The following STOML2 variants were observed in gnomAD, a reference collection of about 807,000 sequenced individuals.
The protein encoded by STOML2 is stomatin like 2.
A neutral mutation model predicts 45.7 loss-of-function variants in STOML2; 22 were observed. The observed-to-expected ratio is 0.48, with a 90% confidence interval of 0.34 to 0.69. The LOEUF (loss-of-function observed/expected upper bound fraction) is 0.69, where lower values mean the gene tolerates loss of function less well. STOML2 is among the 30% of genes least tolerant of loss of function. The probability of loss-of-function intolerance (pLI) is 0.01; values close to 1 mark genes in which losing one functional copy is unlikely to be tolerated. For synonymous variants in STOML2, 181 were observed against 182.7 expected (o/e 0.99, Z 0.08); for missense variants, 359 against 466.9 (o/e 0.77, Z 2.13).
In STOML2 at chr9:35,101,149, A is replaced by T; in HGVS notation, c.710T>A (p.Ile237Lys). ...LASEAEKAEQ[I>K]NQAAGEASAV... ...CCTCTCCTGACCTGCTGCCTGATTT[A>T]TCTGTTCAGCCTTTTCTGCTTCGGA... Residue 237 changes from isoleucine to lysine, a missense_variant, in exon 7 of 10, where the codon ATA becomes AAA. Ile to Lys is a moderately radical substitution (Grantham distance 102). Coordinates refer to ENST00000356493, the MANE Select transcript of STOML2 (RefSeq NM_013442.3). This position sits in a 1 kb window ranked among gnomAD's most constrained non-coding sequence, Gnocchi z 4.3. The T allele has an allele frequency of 6.2e-7, 1 of 1,614,098 alleles. No individual in the cohort carries two copies. The highest frequency in any genetic ancestry group is 8.5e-7 in the Non-Finnish European group (1 of 1,180,022).
chr9:35,100,690 G>C lies in STOML2; in HGVS notation c.841C>G (p.Gln281Glu), dbSNP rs1829797535. 2 of 1,614,022 alleles carry C rather than the reference G, an allele frequency of 1.2e-6. No individual in the cohort carries two copies. The highest frequency in any genetic ancestry group is 1.7e-5 in the Admixed American group (1 of 59,990). The change falls in exon 9 of 10, where the codon CAG (glutamine) becomes GAG (glutamate). Residue 281 changes from glutamine to glutamate, a missense_variant. Coordinates refer to ENST00000356493, the MANE Select transcript of STOML2 (RefSeq NM_013442.3). ...DAAASLTVAE[Q>E]YVSAFSKLAK... The stretch of plus-strand genomic sequence containing the variant: ...AGTTTGGAGAACGCGCTGACATACT[G>C]CTCGGCCACAGTCAGTGAAGCTGCT...
In STOML2 at chr9:35,101,740, G is replaced by C. The variant is rs773204475; in HGVS notation, c.414C>G (p.Leu138=). The change falls in exon 5 of 10, where the codon CTC becomes CTG. Residue 138 remains leucine, a synonymous_variant. Coordinates refer to ENST00000356493, the MANE Select transcript of STOML2 (RefSeq NM_013442.3). This position sits in a 1 kb window ranked among gnomAD's most constrained non-coding sequence, Gnocchi z 4.3. ...QLAQTTMRSE[L]GKLSLDKVFR... Reference sequence around the variant, plus strand: ...AGACTTTGTCCAGAGAGAGTTTGCCGAGCTCTGATCTCATGGTTGTTTGAG... The same window carrying C: ...AGACTTTGTCCAGAGAGAGTTTGCCCAGCTCTGATCTCATGGTTGTTTGAG... 5.6e-6 allele frequency: 9 copies of C among 1,614,008 alleles called. No homozygotes were observed. The South Asian group carries it at 8.8e-5, about 16-fold the overall frequency.
Position 35,102,418 on chromosome 9 carries a change from T to C in STOML2, c.184-224A>G. 1.5e-6 allele frequency: 1 copy of C among 655,628 alleles called. No homozygotes were observed. The highest frequency in any genetic ancestry group is 2.0e-5 in the South Asian group (1 of 50,972). The allele number at this position is 655,628 out of a possible 1,614,324, so 40.6% of individuals were successfully genotyped here. A position where few individuals can be genotyped will look rare whatever the true frequency, so the allele number is the denominator to read the frequency against. On this transcript the variant is annotated intron_variant, in intron 2 of 9. Coordinates refer to ENST00000356493, the MANE Select transcript of STOML2 (RefSeq NM_013442.3). The surrounding 1 kb of genome is among the most constrained non-coding windows in gnomAD (Gnocchi z 4.8). ...TGAATGGAGGGGAGAGTCATGAGAA[T>C]CGGAGCCAGCAGAATAGCCATCTCT...
In STOML2 at chr9:35,101,949, CAG is replaced by C. The variant is rs763393232; in HGVS notation, c.295_296del (p.Leu99AlafsTer24). ...QSAVTLDNVTLQIDGVLYLRI... is the reference protein window; with the variant it reads ...QSAVTLDNVTXQIDGVLYLRI... ...GCAGGTAAAGGACTCCATCGATTTGCAGAGTTACATTGTCTGTAGAACCAGGA... is the reference window on the plus strand; with the variant it reads ...GCAGGTAAAGGACTCCATCGATTTGCAGTTACATTGTCTGTAGAACCAGGA... On this transcript the variant is annotated frameshift_variant, in exon 4 of 10. Coordinates refer to ENST00000356493, the MANE Select transcript of STOML2 (RefSeq NM_013442.3). LOFTEE classifies it high-confidence loss of function. The surrounding 1 kb of genome is among the most constrained non-coding windows in gnomAD (Gnocchi z 4.3). 5 of 1,614,008 alleles carry C rather than the reference CAG, an allele frequency of 3.1e-6. No individual in the cohort carries two copies. Among genetic ancestry groups the C allele is most frequent in the African/African-American group, 1.3e-5 (1 of 74,904 alleles).
chr9:35,100,898 T>C (rs1325867102), intron 8 of STOML2, 34 bp downstream of exon 8: 1 of 1,614,042 alleles, frequency 6.2e-7, no homozygotes, highest in Admixed American at 1.7e-5. Context: ...CCACTGTCAA[T>C]TCCTGTCCCC....
chr9:35,100,452 A>G, intron 9 of STOML2, 146 bp downstream of exon 9: 1 of 1,148,056 alleles, frequency 8.7e-7, no homozygotes, highest in Non-Finnish European at 1.2e-6. Context: ...TCATTCTTAG[A>G]TTCCATCTCT....
Position 35,102,356 on chromosome 9 carries a change from G to A in STOML2, c.184-162C>T. ...CAGAAGGCTGAGGTGTCACTGGTAA[G>A]AAAACCCAAGAGAACAGGAATGCAA... On this transcript the variant is annotated intron_variant, in intron 2 of 9. Transcript: ENST00000356493. This position sits in a 1 kb window ranked among gnomAD's most constrained non-coding sequence, Gnocchi z 4.8. The A allele has an allele frequency of 1.5e-6, 1 of 682,712 alleles. No homozygotes were observed. The highest frequency in any genetic ancestry group is 2.5e-6 in the Non-Finnish European group (1 of 407,318). The allele number at this position is 682,712 out of a possible 1,614,324, so 42.3% of individuals were successfully genotyped here. A position where few individuals can be genotyped will look rare whatever the true frequency, so the allele number is the denominator to read the frequency against.
In STOML2 at chr9:35,101,679, C is replaced by T. The variant is rs1409014511; in HGVS notation, c.444+31G>A. 3.4e-5 allele frequency: 55 copies of T among 1,614,100 alleles called. No individual in the cohort carries two copies. The highest frequency in any genetic ancestry group is 4.7e-5 in the Non-Finnish European group (55 of 1,179,992). On this transcript the variant is annotated intron_variant, in intron 5 of 9. Coordinates refer to ENST00000356493, the MANE Select transcript of STOML2 (RefSeq NM_013442.3). This position sits in a 1 kb window ranked among gnomAD's most constrained non-coding sequence, Gnocchi z 4.3. Reference sequence around the variant, plus strand: ...ATTAAGAGTGTCAGGTTTGTGTCTTCAAACCCTAACTCTGGCTCAGATCTG... The same window carrying T: ...ATTAAGAGTGTCAGGTTTGTGTCTTTAAACCCTAACTCTGGCTCAGATCTG...
chr9:35,101,770 C>T lies in STOML2; in HGVS notation c.384G>A (p.Gln128=), dbSNP rs372227437. 1.1e-5 allele frequency: 18 copies of T among 1,614,136 alleles called. No individual in the cohort carries two copies. In the African/African-American group the frequency reaches 2.1e-4, roughly 19 times the overall value. Residue 128 remains glutamine, a synonymous_variant, in exon 5 of 10, where the codon CAG becomes CAA. Coordinates refer to ENST00000356493, the MANE Select transcript of STOML2 (RefSeq NM_013442.3). The surrounding 1 kb of genome is among the most constrained non-coding windows in gnomAD (Gnocchi z 4.3). ...CTGATCTCATGGTTGTTTGAGCTAG[C>T]TGGGTGACGGCATACTCAGGGTCCT... ...GVEDPEYAVT[Q]LAQTTMRSEL...
chr9:35,102,871 C>A lies in STOML2; in HGVS notation c.46-48G>T. 1 of 1,601,134 alleles carries A rather than the reference C, an allele frequency of 6.2e-7. No individual in the cohort carries two copies. ...CAGAGATCCCATCTGGCCAGACACG[C>A]CGCCCCTCGGTCCTGAAGGCATCTC... On this transcript the variant is annotated intron_variant, in intron 1 of 9. Transcript: ENST00000356493. The surrounding 1 kb of genome is among the most constrained non-coding windows in gnomAD (Gnocchi z 4.8).
chr9:35,102,533 G>A lies in STOML2; in HGVS notation c.183+153C>T, dbSNP rs1039859372. Among the ~76,000 whole-genome samples, 4 of 152,220 alleles carry A rather than the reference G, an allele frequency of 2.6e-5. No individual in the cohort carries two copies. Among genetic ancestry groups the A allele is most frequent in the Admixed American group, 6.5e-5 (1 of 15,278 alleles). On this transcript the variant is annotated intron_variant, in intron 2 of 9. Coordinates refer to ENST00000356493, the MANE Select transcript of STOML2 (RefSeq NM_013442.3). This position sits in a 1 kb window ranked among gnomAD's most constrained non-coding sequence, Gnocchi z 4.8. ...TGCATAGGAAAAGGTGGTAACATGGGGATGATGGTCAGCAGCCTGGGCCCT... is the reference window on the plus strand; with the variant it reads ...TGCATAGGAAAAGGTGGTAACATGGAGATGATGGTCAGCAGCCTGGGCCCT...
At position 35,102,116 on chromosome 9, in the gene STOML2, C is replaced by G. The variant is rs1490571305; in HGVS notation, c.262G>C (p.Glu88Gln). 3.7e-6 allele frequency: 6 copies of G among 1,614,008 alleles called. No individual in the cohort carries two copies. The highest frequency in any genetic ancestry group is 5.1e-6 in the Non-Finnish European group (6 of 1,179,996). Residue 88 changes from glutamate (E) to glutamine (Q), a missense_variant, in exon 3 of 10, where the codon GAG becomes CAG. Glu to Gln is a conservative substitution (Grantham distance 29). This residue lies in a region of STOML2 where 285 missense variants were observed against 422.0 expected (regional missense o/e 0.68). Coordinates refer to ENST00000356493, the MANE Select transcript of STOML2 (RefSeq NM_013442.3). This position sits in a 1 kb window ranked among gnomAD's most constrained non-coding sequence, Gnocchi z 4.8. ...SLKEIVINVP[E>Q]QSAVTLDNVT... Reference sequence around the variant, plus strand: ...TCACCGAGAGTCACAGCCGACTGCTCAGGCACGTTGATGACAATTTCCTTG... The same window carrying G: ...TCACCGAGAGTCACAGCCGACTGCTGAGGCACGTTGATGACAATTTCCTTG...
intron 8 of STOML2, 29 bp downstream of exon 8, chr9:35,100,903 G>A (rs1313115625): frequency 3.7e-6 from 6 of 1,613,962 alleles, no homozygotes; most frequent in Admixed American, 3.3e-5. Flanking sequence ...GTCAATTCCT[G>A]TCCCCATTCC....
At position 35,100,597 on chromosome 9, in the gene STOML2, C is replaced by A. The variant is rs1440826977; in HGVS notation, c.933+1G>T. 6.2e-7 allele frequency: 1 copy of A among 1,613,690 alleles called. No individual in the cohort carries two copies. Among genetic ancestry groups the A allele is most frequent in the Admixed American group, 1.7e-5 (1 of 60,008 alleles). ...ATGCTGGGTCCTCAGAGAGCTCTAA[C>A]CTGAGCCACCATGCTGGTGACATCG... On this transcript the variant is annotated splice_donor_variant, in intron 9 of 9. Coordinates refer to ENST00000356493, the MANE Select transcript of STOML2 (RefSeq NM_013442.3). LOFTEE classifies it high-confidence loss of function.
rs1207768511 is a variant in STOML2, at chr9:35,103,079, C to T, written c.16G>A (p.Ala6Thr). The T allele has an allele frequency of 2.5e-6, 4 of 1,613,944 alleles. No individual in the cohort carries two copies. The highest frequency in any genetic ancestry group is 1.7e-5 in the Admixed American group (1 of 60,036). The change falls in exon 1 of 10, where the codon GCG becomes ACG. Residue 6 changes from alanine to threonine, a missense_variant. By Grantham distance (58) the Ala-to-Thr change is moderately conservative. Transcript: ENST00000356493. MLARA[A>T]RGTGALLLRG... The stretch of plus-strand genomic sequence containing the variant: ...AGCAAAAGGGCCCCAGTGCCCCGCG[C>T]CGCGCGCGCCAGCATTTCCCACCGC...
chr9:35,099,912 G>C lies in STOML2; in HGVS notation c.*123C>G. The C allele has an allele frequency of 7.8e-7, 1 of 1,274,250 alleles. No homozygotes were observed. Among genetic ancestry groups the C allele is most frequent in the Admixed American group, 2.1e-5 (1 of 46,692 alleles). 78.9% of individuals were successfully genotyped at this position (1,274,250 alleles called of 1,614,324 possible). A position where few individuals can be genotyped will look rare whatever the true frequency, so the allele number is the denominator to read the frequency against. ...ACAGTTTCTGGTTTGCCACTGGTGA[G>C]TTTATTACACGACTAAAGTTCAAAT... is the stretch of plus-strand genomic sequence containing the variant. On this transcript the variant is annotated 3_prime_UTR_variant, in exon 10 of 10. Coordinates refer to ENST00000356493, the MANE Select transcript of STOML2 (RefSeq NM_013442.3).
chr9:35,101,773 G>C lies in STOML2; in HGVS notation c.381C>G (p.Thr127=), dbSNP rs1000472513. 9 of 1,614,138 alleles carry C rather than the reference G, an allele frequency of 5.6e-6. No homozygotes were observed. The highest frequency in any genetic ancestry group is 7.6e-6 in the Non-Finnish European group (9 of 1,180,030). ...YGVEDPEYAV[T]QLAQTTMRSE... The stretch of plus-strand genomic sequence containing the variant: ...ATCTCATGGTTGTTTGAGCTAGCTG[G>C]GTGACGGCATACTCAGGGTCCTCCA... The change falls in exon 5 of 10, where the codon ACC becomes ACG. Residue 127 remains threonine, a synonymous_variant. Transcript: ENST00000356493. The surrounding 1 kb of genome is among the most constrained non-coding windows in gnomAD (Gnocchi z 4.3).
Position 35,100,990 on chromosome 9 carries a change from G to A in STOML2, c.746C>T (p.Ala249Val), listed in dbSNP as rs377443648. The A allele has an allele frequency of 1.5e-5, 24 of 1,614,088 alleles. No individual in the cohort carries two copies. The highest frequency in any genetic ancestry group is 5.0e-5 in the Admixed American group (3 of 60,014). Residue 249 changes from alanine (A) to valine (V), a missense_variant, in exon 8 of 10, where the codon GCG becomes GTG. By Grantham distance (64) the Ala-to-Val change is moderately conservative (BLOSUM62 0). Coordinates refer to ENST00000356493, the MANE Select transcript of STOML2 (RefSeq NM_013442.3). ...AGCTTCAGCTTTAGCCTTGGCCTTC[G>A]CCAGAACTGCACTGGCCTCTCCTGC... is the stretch of plus-strand genomic sequence containing the variant. Reference protein sequence around the residue: ...QAAGEASAVLAKAKAKAEAIR... With the variant: ...QAAGEASAVLVKAKAKAEAIR...
Position 35,099,955 on chromosome 9 carries a change from A to T in STOML2, c.*80T>A. 2 of 1,546,176 alleles carry T rather than the reference A, an allele frequency of 1.3e-6. No individual in the cohort carries two copies. Among genetic ancestry groups the T allele is most frequent in the Non-Finnish European group, 1.8e-6 (2 of 1,141,238 alleles). ...GTTCAAATAAAAAAATAAAAACCAA[A>T]ATCTTGGCAGGGAAGCTAGAGCCAG... is the stretch of plus-strand genomic sequence containing the variant. On this transcript the variant is annotated 3_prime_UTR_variant, in exon 10 of 10. Coordinates refer to ENST00000356493, the MANE Select transcript of STOML2 (RefSeq NM_013442.3).
Sources: gnomAD v4.1 joint callset for allele counts (sites outside exome capture counted in the v4.1 genomes callset) on GRCh38, gnomAD v4.1.1 for gene constraint, gnomAD v4.1.1 regional missense constraint, Gnocchi (gnomAD v3.1) non-coding constraint, MANE v1.5 for transcripts, NCBI Gene and HGNC (gene_info 2026-07-23, HGNC 2026-07-21) for gene names.